The following NOD1 variants were observed in gnomAD, a reference collection of about 807,000 sequenced individuals.
The protein encoded by NOD1 is nucleotide binding oligomerization domain containing 1, also known as nucleotide-binding oligomerization domain-containing protein 1.
In NOD1, 70 loss-of-function variants were observed where a neutral mutation model predicts 81.2. That is an observed-to-expected ratio of 0.86 (90% CI 0.71 to 1.05). The LOEUF is 1.05. Ranked by LOEUF, NOD1 falls within the 50% of genes least tolerant of loss-of-function variation. NOD1 has a pLI of 0.00. For synonymous variants in NOD1, 508 were observed against 526.9 expected (o/e 0.96, Z 0.49); for missense variants, 1,233 against 1,228.0 (o/e 1.00, Z -0.06).
chr7:30,478,583 A>C lies in NOD1; in HGVS notation c.-352+23T>G, dbSNP rs1789033340. ...CCTCAGAAAGGGCCTGCCCCGCGCG[A>C]ATCCCCAGTCGCTGGGACTTACTTG... On this transcript the variant is annotated intron_variant, in intron 1 of 13. Coordinates refer to ENST00000222823, the MANE Select transcript of NOD1 (RefSeq NM_006092.4). The surrounding 1 kb of genome is among the most constrained non-coding windows in gnomAD (Gnocchi z 4.1). 1 of 152,312 alleles carries C rather than the reference A, an allele frequency of 6.6e-6. No individual in the cohort carries two copies. The highest frequency in any genetic ancestry group is 2.4e-5 in the African/African-American group (1 of 41,418). The allele number at this position is 152,312 out of a possible 1,614,324, so 9.4% of individuals were successfully genotyped here. A position where few individuals can be genotyped will look rare whatever the true frequency, so the allele number is the denominator to read the frequency against.
At chr7:30,450,155 C>T (rs1269167252) in intron 6 of NOD1, among the ~76,000 whole-genome samples, 2 of 151,980 alleles carry the variant, frequency 1.3e-5, no homozygotes, top group Non-Finnish European at 2.9e-5. Context: ...GATCACGCCA[C>T]TGCACTCCAG....
At position 30,433,143 on chromosome 7, in the gene NOD1, C is replaced by T; in HGVS notation, c.2658G>A (p.Glu886=). The T allele has an allele frequency of 6.2e-7, 1 of 1,614,134 alleles. No individual in the cohort carries two copies. Among genetic ancestry groups the T allele is most frequent in the Non-Finnish European group, 8.5e-7 (1 of 1,179,994 alleles). ...TGACTTTCAACATTTCTGCCAAACTCTCTGCCACTTCATCGTTGAGTTCAT... is the reference window on the plus strand; with the variant it reads ...TGACTTTCAACATTTCTGCCAAACTTTCTGCCACTTCATCGTTGAGTTCAT... ...TQNELNDEVA[E]SLAEMLKVNQ... The change falls in exon 12 of 14, where the codon GAG becomes GAA. Residue 886 remains glutamate (E), a synonymous_variant. Coordinates refer to ENST00000222823, the MANE Select transcript of NOD1 (RefSeq NM_006092.4).
chr7:30,438,859 G>A (rs1784617272), intron 9 of NOD1, among the ~76,000 whole-genome samples: 1 of 152,160 alleles, frequency 6.6e-6, no homozygotes, highest in Admixed American at 6.5e-5. Flanking sequence ...AGAAGGGAGA[G>A]AAAGTGAGAG....
intron 12 of NOD1, among the ~76,000 whole-genome samples, chr7:30,432,269 C>T (rs1204973376): frequency 6.6e-6 from 1 of 151,900 alleles, no homozygotes; most frequent in African/African-American, 2.4e-5. Flanking sequence ...GAAGACAAAC[C>T]CAATTTTAAA....
At position 30,433,340 on chromosome 7, in the gene NOD1, C is replaced by A; in HGVS notation, c.2622-161G>T. 1.6e-6 allele frequency: 1 copy of A among 607,690 alleles called. No homozygotes were observed. Among genetic ancestry groups the A allele is most frequent in the Non-Finnish European group, 2.9e-6 (1 of 343,322 alleles). The allele number at this position is 607,690 out of a possible 1,614,324, so 37.6% of individuals were successfully genotyped here. ...CCAGGCTCCAAGCCCAGCCTGTCAG[C>A]CCCACAGAAGGTCAATGGGACTCAT... On this transcript the variant is annotated intron_variant, in intron 11 of 13. Coordinates refer to ENST00000222823, the MANE Select transcript of NOD1 (RefSeq NM_006092.4).
chr7:30,462,344 T>C (rs1190872744), intron 1 of NOD1, among the ~76,000 whole-genome samples: 2 of 151,920 alleles, frequency 1.3e-5, no homozygotes, highest in East Asian at 1.9e-4. Flanking sequence ...ACAATATGTG[T>C]CAACAGACTC....
Position 30,433,081 on chromosome 7 carries a change from G to A in NOD1, c.2705+15C>T. 1 of 1,576,372 alleles carries A rather than the reference G, an allele frequency of 6.3e-7. No individual in the cohort carries two copies. Among genetic ancestry groups the A allele is most frequent in the South Asian group, 1.1e-5 (1 of 89,572 alleles). ...AAAGTAGCACAGTCTGAAATTGTAA[G>A]GCTCTCTGAGTTACCATAAATGCTT... On this transcript the variant is annotated intron_variant, in intron 12 of 13. Transcript: ENST00000222823.
Position 30,451,613 on chromosome 7 carries a change from T to G in NOD1, c.1804A>C (p.Lys602Gln), listed in dbSNP as rs756485510. 4.3e-6 allele frequency: 7 copies of G among 1,613,814 alleles called. No homozygotes were observed. Among genetic ancestry groups the G allele is most frequent in the Non-Finnish European group, 1.7e-6 (2 of 1,180,026 alleles). The change falls in exon 6 of 14, where the codon AAA (lysine) becomes CAA (glutamine). Residue 602 changes from lysine to glutamine, a missense_variant. Lys to Gln is a moderately conservative substitution (Grantham distance 53). Transcript: ENST00000222823. The surrounding 1 kb of genome is among the most constrained non-coding windows in gnomAD (Gnocchi z 4.2). The stretch of plus-strand genomic sequence containing the variant: ...GCGGGCACCAGATGCCGCAGGAGTT[T>G]CTGTTTGGCTTTGGACAACAGCCCG... ...LCGLLSKAKQ[K>Q]LLRHLVPAAA...
chr7:30,446,097 C>A (rs775495054), intron 9 of NOD1, 44 bp downstream of exon 9: 9 of 1,450,864 alleles, frequency 6.2e-6, no homozygotes, highest in Non-Finnish European at 8.7e-6. Flanking sequence ...GCCCCCCACA[C>A]ACACAGCAGG....
intron 12 of NOD1, among the ~76,000 whole-genome samples, chr7:30,430,395 CAAGAGGCTG>C (rs1367544248): frequency 6.6e-6 from 1 of 152,180 alleles, no homozygotes; most frequent in Non-Finnish European, 1.5e-5. Context: ...ATAAATGCAT[CAAGAGGCTG>C]TAGTGTCTCC....
intron 1 of NOD1, among the ~76,000 whole-genome samples, chr7:30,472,504 A>G (rs1490097183): frequency 1.3e-5 from 2 of 152,188 alleles, no homozygotes; most frequent in African/African-American, 4.8e-5. Flanking sequence ...CACAAGTTAC[A>G]ATTATGTATT....
At chr7:30,458,740 CTT>C (rs11430536) in intron 3 of NOD1, among the ~76,000 whole-genome samples, 23 of 139,664 alleles carry the variant, frequency 1.6e-4, no homozygotes, top group Admixed American at 4.3e-4. Flanking sequence ...CCAGCCTTTT[CTT>C]TTTTTTTTTT....
At position 30,448,057 on chromosome 7, in the gene NOD1, G is replaced by GT. The variant is rs1190511560; in HGVS notation, c.2285+240dup. 5 of 526,716 alleles carry GT rather than the reference G, an allele frequency of 9.5e-6. No homozygotes were observed. The East Asian group carries it at 1.5e-4, about 16-fold the overall frequency. 32.6% of individuals were successfully genotyped at this position (526,716 alleles called of 1,614,324 possible). ...TTCTCGTTGCATCCCCCAATAACCAGTTGTAAGCCTACTTGCCTATACTGG... is the reference window on the plus strand; with the variant it reads ...TTCTCGTTGCATCCCCCAATAACCAGTTTGTAAGCCTACTTGCCTATACTGG... On this transcript the variant is annotated intron_variant, in intron 7 of 13. Coordinates refer to ENST00000222823, the MANE Select transcript of NOD1 (RefSeq NM_006092.4).
At position 30,478,543 on chromosome 7, in the gene NOD1, T is replaced by A. The variant is rs1789026070; in HGVS notation, c.-352+63A>T. ...ATCCCGCCTCCCTGCGCCTCCTCAC[T>A]CGCAGCGCCCAGGACCTCAGAAAGG... On this transcript the variant is annotated intron_variant, in intron 1 of 13. Coordinates refer to ENST00000222823, the MANE Select transcript of NOD1 (RefSeq NM_006092.4). This position sits in a 1 kb window ranked among gnomAD's most constrained non-coding sequence, Gnocchi z 4.1. 6.6e-6 allele frequency: 1 copy of A among 152,438 alleles called. No homozygotes were observed. The highest frequency in any genetic ancestry group is 2.1e-4 in the South Asian group (1 of 4,828). 9.4% of individuals were successfully genotyped at this position (152,438 alleles called of 1,614,324 possible).
intron 7 of NOD1, chr7:30,447,896 G>A (rs1562673915): frequency 1.6e-5 from 3 of 184,536 alleles, no homozygotes; most frequent in South Asian, 1.3e-4. Flanking sequence ...CTGCGGCCAC[G>A]TCATGCCATA....
intron 13 of NOD1, among the ~76,000 whole-genome samples, chr7:30,426,831 C>T (rs1783499456): frequency 6.6e-6 from 1 of 152,110 alleles, no homozygotes; most frequent in South Asian, 2.1e-4. Context: ...CATGCTGTTC[C>T]CTACGCAGAA....
chr7:30,466,921 T>C (rs1287192830), intron 1 of NOD1, among the ~76,000 whole-genome samples: 1 of 152,178 alleles, frequency 6.6e-6, no homozygotes, highest in Non-Finnish European at 1.5e-5. Flanking sequence ...GGTTACATCA[T>C]TCACCTTCTC....
chr7:30,435,878 A>T, intron 11 of NOD1, 120 bp downstream of exon 11: 1 of 776,740 alleles, frequency 1.3e-6, no homozygotes, highest in Non-Finnish European at 2.1e-6. Context: ...GGTTCGAATG[A>T]GCCTGGGAGG....
chr7:30,477,510 T>C (rs528032902), intron 1 of NOD1, among the ~76,000 whole-genome samples: 3 of 152,026 alleles, frequency 2.0e-5, no homozygotes, highest in Non-Finnish European at 4.4e-5. Flanking sequence ...CGTTTTTTTG[T>C]TTTTTGTTTG....
Sources: gnomAD v4.1 joint callset for allele counts (sites outside exome capture counted in the v4.1 genomes callset) on GRCh38, gnomAD v4.1.1 for gene constraint, Gnocchi (gnomAD v3.1) non-coding constraint, MANE v1.5 for transcripts, NCBI Gene and HGNC (gene_info 2026-07-23, HGNC 2026-07-21) for gene names.